The following LPIN2 variants were observed in gnomAD, a reference collection of about 807,000 sequenced individuals.
LPIN2 encodes the protein phosphatidate phosphatase LPIN2.
In LPIN2, 55 loss-of-function variants were observed where a neutral mutation model predicts 111.4. The observed-to-expected ratio is 0.49, with a 90% confidence interval of 0.40 to 0.62. The LOEUF is 0.62. Ranked by LOEUF, LPIN2 falls within the 20% of genes least tolerant of loss-of-function variation. The pLI, the probability that LPIN2 is intolerant of heterozygous loss-of-function variation, is 0.00. For missense variants in LPIN2, 992 were observed against 1,112.1 expected (o/e 0.89, Z 1.54); for synonymous variants, 425 against 414.0 (o/e 1.03, Z -0.32).
intron 1 of LPIN2, among the ~76,000 whole-genome samples, chr18:2,997,697 T>C (rs1441313671): frequency 6.6e-6 from 1 of 152,164 alleles, no homozygotes; most frequent in African/African-American, 2.4e-5. Context: ...CTAAAAGCAG[T>C]ATAACTCAAA....
chr18:2,980,113 T>C (rs1185066544), intron 1 of LPIN2, among the ~76,000 whole-genome samples: 1 of 152,140 alleles, frequency 6.6e-6, no homozygotes, highest in Non-Finnish European at 1.5e-5. Flanking sequence ...AGCTAAAACA[T>C]GGCTTGAAAA....
At chr18:3,011,247 G>A (rs973648439) in intron 1 of LPIN2, among the ~76,000 whole-genome samples, 5 of 152,112 alleles carry the variant, frequency 3.3e-5, no homozygotes, top group African/African-American at 1.2e-4. Context: ...AGTATTAAAG[G>A]GTTTTCAAAC....
At chr18:2,972,321 C>T (rs2077932700) in intron 1 of LPIN2, 1 of 152,196 alleles carries the variant, frequency 6.6e-6, no homozygotes, top group South Asian at 2.1e-4. Context: ...AGCAGCAACT[C>T]GCGGCAGAGA....
intron 1 of LPIN2, among the ~76,000 whole-genome samples, chr18:2,970,579 A>G (rs529828191): frequency 2.6e-5 from 4 of 152,244 alleles, no homozygotes; most frequent in Non-Finnish European, 5.9e-5. Context: ...CAATGTTGCC[A>G]ACAGAGGACT....
intron 1 of LPIN2, among the ~76,000 whole-genome samples, chr18:3,011,139 C>A (rs530298631): frequency 6.6e-6 from 1 of 152,264 alleles, no homozygotes; most frequent in African/African-American, 2.4e-5. Flanking sequence ...AAGTGCAATA[C>A]AGGGCGATGA....
At position 2,940,645 on chromosome 18, in the gene LPIN2, G is replaced by T. The variant is rs376567516; in HGVS notation, c.658C>A (p.His220Asn). The change falls in exon 5 of 20, where the codon CAT (histidine) becomes AAT (asparagine). Residue 220 changes from histidine (H) to asparagine (N), a missense_variant. Transcript: ENST00000677752. ...KEPLLFHSGD[H>N]YPLSDGDWSP... ...CAATCTCCATCAGATAAGGGGTAAT[G>T]ATCCCCAGAATGGAAGAGCAAAGGC... 4 of 1,613,096 alleles carry T rather than the reference G, an allele frequency of 2.5e-6. No individual in the cohort carries two copies. Among genetic ancestry groups the T allele is most frequent in the East Asian group, 2.2e-5 (1 of 44,856 alleles).
intron 1 of LPIN2, among the ~76,000 whole-genome samples, chr18:2,996,786 A>T (rs1311316836): frequency 4.6e-5 from 7 of 152,044 alleles, no homozygotes; most frequent in Non-Finnish European, 8.8e-5. Context: ...CAATATCTTT[A>T]TCTATCTATT....
intron 1 of LPIN2, among the ~76,000 whole-genome samples, chr18:2,989,834 C>T (rs906473078): frequency 6.6e-6 from 1 of 151,490 alleles, no homozygotes; most frequent in Non-Finnish European, 1.5e-5. Flanking sequence ...GCAGGAGAAT[C>T]ACTTGAACCC....
At chr18:2,986,588 C>T (rs1327015072) in intron 1 of LPIN2, among the ~76,000 whole-genome samples, 2 of 143,580 alleles carry the variant, frequency 1.4e-5, no homozygotes, top group African/African-American at 2.5e-5. Context: ...CCAAAGCTTT[C>T]TTCTTCCAAG....
chr18:2,932,723 T>C lies in LPIN2; in HGVS notation c.1269-1280A>G, dbSNP rs546301980. On this transcript the variant is annotated intron_variant, in intron 8 of 19. Coordinates refer to ENST00000677752, the MANE Select transcript of LPIN2 (RefSeq NM_001375808.2). Reference sequence around the variant, plus strand: ...CGTGAATATGGACGGAAGGCATACATGGTGCCCCTCCCCAGGGGCCCTCTC... The same window carrying C: ...CGTGAATATGGACGGAAGGCATACACGGTGCCCCTCCCCAGGGGCCCTCTC... 1.3e-3 allele frequency among the ~76,000 whole-genome samples: 205 copies of C among 152,324 alleles called. 2 individuals carry two copies. The highest frequency in any genetic ancestry group is 4.5e-3 in the African/African-American group (189 of 41,582).
At chr18:3,009,302 G>A (rs1334116283) in intron 1 of LPIN2, among the ~76,000 whole-genome samples, 1 of 151,644 alleles carries the variant, frequency 6.6e-6, no homozygotes, top group Non-Finnish European at 1.5e-5. Context: ...AGGAGGCTGA[G>A]GCAGGAGAAT....
chr18:2,983,963 G>A (rs1446669419), intron 1 of LPIN2, among the ~76,000 whole-genome samples: 1 of 152,058 alleles, frequency 6.6e-6, no homozygotes, highest in Non-Finnish European at 1.5e-5. Flanking sequence ...AAGAACTGAG[G>A]ACAACTGGAT....
chr18:2,998,171 T>C (rs1006193521), intron 1 of LPIN2, among the ~76,000 whole-genome samples: 76 of 152,298 alleles, frequency 5.0e-4, no homozygotes, highest in African/African-American at 1.8e-3. Context: ...GGGAGGACAC[T>C]TGGGTAAAGG....
intron 4 of LPIN2, chr18:2,946,441 G>A (rs772949939): frequency 7.0e-7 from 1 of 1,438,056 alleles, no homozygotes. Flanking sequence ...CATCGTGAAA[G>A]ACTGGAACGC....
chr18:2,951,225 G>A lies in LPIN2; in HGVS notation c.420C>T (p.Val140=). 6.2e-7 allele frequency: 1 copy of A among 1,614,036 alleles called. No individual in the cohort carries two copies. The highest frequency in any genetic ancestry group is 1.1e-5 in the South Asian group (1 of 91,078). ...GAGTAAAAATTGTCTCTGTTTCCAA[G>A]ACGTGTGAGATGTCTGAACTCTGAG... ...TPSQSSDISH[V]LETETIFTPS... The change falls in exon 4 of 20, where the codon GTC becomes GTT. Residue 140 remains valine, a synonymous_variant. Coordinates refer to ENST00000677752, the MANE Select transcript of LPIN2 (RefSeq NM_001375808.2).
chr18:2,923,948 A>G (rs1874705301), intron 15 of LPIN2, 87 bp from the exon 16 acceptor site: 1 of 1,041,140 alleles, frequency 9.6e-7, no homozygotes, highest in Admixed American at 1.7e-5. Flanking sequence ...GCTGCCAATA[A>G]CTAATTGGTG....
chr18:2,928,714 A>G, intron 10 of LPIN2, 54 bp from the exon 11 acceptor site: 1 of 1,200,292 alleles, frequency 8.3e-7, no homozygotes, highest in Non-Finnish European at 1.2e-6. Context: ...TGAGCAAGAG[A>G]GAGGGGAGGG....
chr18:2,950,760 C>A, intron 4 of LPIN2: 1 of 436,390 alleles, frequency 2.3e-6, no homozygotes, highest in Non-Finnish European at 4.2e-6. Context: ...GATCTGCTCA[C>A]CGAGGGGCAA....
chr18:2,924,523 G>C lies in LPIN2; in HGVS notation c.1962C>G (p.Gly654=), dbSNP rs971129550. 1 of 1,614,060 alleles carries C rather than the reference G, an allele frequency of 6.2e-7. No homozygotes were observed. Among genetic ancestry groups the C allele is most frequent in the South Asian group, 1.1e-5 (1 of 91,088 alleles). The change falls in exon 15 of 20, where the codon GGC becomes GGG. Residue 654 remains glycine (G), a synonymous_variant. Transcript: ENST00000677752. ...TAATACTAAACACAACATCATTTGG[G>C]CCATCGTGGAGCTTCAGTTTTGCCT... ...DQIAKLKLHD[G]PNDVVFSITT... is the part of the protein sequence containing the mutation.
Sources: gnomAD v4.1 joint callset for allele counts (sites outside exome capture counted in the v4.1 genomes callset) on GRCh38, gnomAD v4.1.1 for gene constraint, MANE v1.5 for transcripts, NCBI Gene and HGNC (gene_info 2026-07-23, HGNC 2026-07-21) for gene names.